The following PCDHA7 variants were observed in gnomAD, a reference collection of about 807,000 sequenced individuals.
The protein encoded by PCDHA7 is protocadherin alpha 7.
PCDHA7 carries 37 observed loss-of-function variants against 57.2 expected under a neutral mutation model. The ratio of observed to expected loss-of-function variants is 0.65; its 90% CI spans 0.50 to 0.85. The LOEUF (loss-of-function observed/expected upper bound fraction) is 0.85, where lower values mean the gene tolerates loss of function less well. Ranked by LOEUF, PCDHA7 falls within the 40% of genes least tolerant of loss-of-function variation. The pLI is 0.00. For synonymous variants in PCDHA7, 553 were observed against 558.8 expected, an observed-to-expected ratio of 0.99 and a Z score of 0.15; for missense variants, 1,188 against 1,241.8, an observed-to-expected ratio of 0.96 and a Z score of 0.65.
At chr5:140,884,493 C>G (rs782633321) in intron 1 of PCDHA7, 4 of 1,613,920 alleles carry the variant, frequency 2.5e-6, no homozygotes, top group South Asian at 1.1e-5. Context: ...CTAGTGTGCT[C>G]CAGCGCGGCA....
At chr5:140,936,184 C>T (rs572832347) in intron 1 of PCDHA7, among the ~76,000 whole-genome samples, 4 of 152,308 alleles carry the variant, frequency 2.6e-5, no homozygotes, top group African/African-American at 4.8e-5. Context: ...TAAACCACCA[C>T]GCCCAGCCAA....
intron 1 of PCDHA7, chr5:140,851,440 C>T (rs1474204778): frequency 1.1e-6 from 1 of 926,576 alleles, no homozygotes; most frequent in South Asian, 4.9e-5. Flanking sequence ...AAAACAGTTG[C>T]TCCACTTTAG....
At chr5:140,888,558 C>G (rs782768307) in intron 1 of PCDHA7, among the ~76,000 whole-genome samples, 1 of 152,188 alleles carries the variant, frequency 6.6e-6, no homozygotes, top group Non-Finnish European at 1.5e-5. Flanking sequence ...TTATTCCTTT[C>G]AAGGCTTCAT....
chr5:140,929,461 C>A, intron 1 of PCDHA7: 1 of 1,314,566 alleles, frequency 7.6e-7, no homozygotes, highest in Non-Finnish European at 1.0e-6. Context: ...CTTCCTGTGC[C>A]AAGAAATCTG....
intron 1 of PCDHA7, chr5:140,850,199 T>C (rs2041415028): frequency 1.9e-6 from 3 of 1,592,798 alleles, no homozygotes; most frequent in Admixed American, 1.7e-5. Context: ...TGCTGACACC[T>C]CGGATGAGGG....
chr5:140,982,416 A>C, intron 2 of PCDHA7, 59 bp from the exon 3 acceptor site: 1 of 1,610,294 alleles, frequency 6.2e-7, no homozygotes, highest in Non-Finnish European at 8.5e-7. Context: ...TGAGGGTGGA[A>C]GAAGAGATGG....
At chr5:140,978,913 T>C in intron 1 of PCDHA7, 36 bp from the exon 2 acceptor site, 1 of 1,613,902 alleles carries the variant, frequency 6.2e-7, no homozygotes, top group Non-Finnish European at 8.5e-7. Flanking sequence ...CATTGTCTTG[T>C]CATTTTAACA....
At chr5:140,983,997 G>A (rs1191316440) in intron 3 of PCDHA7, among the ~76,000 whole-genome samples, 1 of 152,194 alleles carries the variant, frequency 6.6e-6, no homozygotes, top group Non-Finnish European at 1.5e-5. Context: ...CAATTCATTA[G>A]AGAGCTAATA....
intron 1 of PCDHA7, among the ~76,000 whole-genome samples, chr5:140,901,883 C>G (rs1206318073): frequency 5.3e-5 from 8 of 152,038 alleles, no homozygotes; most frequent in Non-Finnish European, 1.0e-4. Flanking sequence ...CTTTCATCAG[C>G]ATTTTATATT....
At chr5:140,959,697 CTTTGAAAGGGA>C (rs2095506406) in intron 1 of PCDHA7, among the ~76,000 whole-genome samples, 1 of 152,008 alleles carries the variant, frequency 6.6e-6, no homozygotes, top group Non-Finnish European at 1.5e-5. Flanking sequence ...ATAAAATGAG[CTTTGAAAGGGA>C]AAATTTTTAG....
intron 3 of PCDHA7, among the ~76,000 whole-genome samples, chr5:141,007,907 A>G (rs1402621923): frequency 6.6e-6 from 1 of 152,186 alleles, no homozygotes; most frequent in Non-Finnish European, 1.5e-5. Flanking sequence ...TTCTTTGTTG[A>G]AGATGCTATA....
Position 140,927,380 on chromosome 5 carries a change from T to A in PCDHA7, c.2356-51569T>A, listed in dbSNP as rs1245076146. 1 of 1,614,198 alleles carries A rather than the reference T, an allele frequency of 6.2e-7. No individual in the cohort carries two copies. Among genetic ancestry groups the A allele is most frequent in the African/African-American group, 1.3e-5 (1 of 75,060 alleles). On this transcript the variant is annotated intron_variant, in intron 1 of 3. Transcript: ENST00000525929. ...AGCAATGGGATACTAAGCTACAGCCTAAGCCCCAGTCAGCACTTTCGCCTG... is the reference window on the plus strand; with the variant it reads ...AGCAATGGGATACTAAGCTACAGCCAAAGCCCCAGTCAGCACTTTCGCCTG...
intron 1 of PCDHA7, chr5:140,884,644 C>T (rs1554181804): frequency 6.2e-7 from 1 of 1,608,094 alleles, no homozygotes; most frequent in South Asian, 1.1e-5. Flanking sequence ...GGGAGGAGGA[C>T]TCAGAATGCT....
chr5:140,846,413 C>T (rs1209442612), intron 1 of PCDHA7, among the ~76,000 whole-genome samples: 16 of 119,220 alleles, frequency 1.3e-4, no homozygotes, highest in Non-Finnish European at 2.3e-4. Flanking sequence ...CTCGCTCTAT[C>T]TCCCAGGCTG....
intron 3 of PCDHA7, among the ~76,000 whole-genome samples, chr5:140,993,560 A>G (rs2097572904): frequency 6.6e-6 from 1 of 151,740 alleles, no homozygotes; most frequent in Non-Finnish European, 1.5e-5. Context: ...AGTATATAGT[A>G]TCCTTTCTAG....
intron 1 of PCDHA7, chr5:140,866,356 A>G (rs1554160259): frequency 6.6e-6 from 1 of 152,172 alleles, no homozygotes; most frequent in African/African-American, 2.4e-5. Flanking sequence ...AAATGTTTAC[A>G]ATATTGCATA....
At chr5:140,877,771 AC>A in intron 1 of PCDHA7, 2 of 1,614,178 alleles carry the variant, frequency 1.2e-6, no homozygotes, top group South Asian at 2.2e-5. Flanking sequence ...CCCGCCCAAG[AC>A]GGACCTCATG....
At chr5:140,974,165 G>A (rs1298109600) in intron 1 of PCDHA7, among the ~76,000 whole-genome samples, 1 of 152,164 alleles carries the variant, frequency 6.6e-6, no homozygotes, top group Admixed American at 6.5e-5. Flanking sequence ...TTTCTTTCAA[G>A]AATTTTAACT....
rs2150475215 is a variant in PCDHA7 at position 140,850,243 on chromosome 5, G to C, written c.2355+13505G>C. 8.4e-5 allele frequency: 134 copies of C among 1,593,880 alleles called. 16 individuals are homozygous for C. Among genetic ancestry groups the C allele is most frequent in the South Asian group, 5.0e-4 (45 of 90,414 alleles). On this transcript the variant is annotated intron_variant, in intron 1 of 3. Transcript: ENST00000525929. ...GGCGCAGTGAGCGAGATGGTGCTGC[G>C]GTCGGTGGGCGCCGGCGTAGTGGTG... is the stretch of plus-strand genomic sequence containing the variant.
Sources: gnomAD v4.1 joint callset for allele counts (sites outside exome capture counted in the v4.1 genomes callset) on GRCh38, gnomAD v4.1.1 for gene constraint, MANE v1.5 for transcripts, NCBI Gene and HGNC (gene_info 2026-07-23, HGNC 2026-07-21) for gene names.